POLI: variants seen among roughly 807,000 people sequenced by gnomAD.
The protein encoded by POLI is RAD30 homolog B.
A neutral mutation model predicts 51.6 loss-of-function variants in POLI; 58 were observed. The observed-to-expected ratio is 1.12, with a 90% CI of 0.91 to 1.40. The LOEUF (loss-of-function observed/expected upper bound fraction) is 1.40. Among genes scored for constraint, POLI ranks in the 40% most tolerant of loss-of-function variants. The pLI is 0.00. For synonymous variants in POLI, 322 were observed against 299.7 expected (o/e 1.07, Z -0.77); for missense variants, 921 against 871.3 (o/e 1.06, Z -0.72).
intron 9 of POLI, 50 bp downstream of exon 9, chr18:54,292,088 T>C (rs1331287211): frequency 3.6e-6 from 4 of 1,098,820 alleles, no homozygotes; most frequent in Admixed American, 2.0e-5. Context: ...CTTATGGGAT[T>C]TGTGTGGTTA....
chr18:54,292,475 A>T (rs778668280), intron 9 of POLI, among the ~76,000 whole-genome samples: 1 of 152,080 alleles, frequency 6.6e-6, no homozygotes, highest in Non-Finnish European at 1.5e-5. Flanking sequence ...TTGAATTTTG[A>T]TAGCAATATT....
intron 8 of POLI, 118 bp from the exon 9 acceptor site, chr18:54,291,715 T>C: frequency 1.8e-6 from 1 of 558,932 alleles, no homozygotes; most frequent in South Asian, 2.7e-5. Context: ...CTTAATTTGG[T>C]ATATAATGTC....
chr18:54,301,671 T>C (rs1264447359), downstream of POLI, among the ~76,000 whole-genome samples: 1 of 152,150 alleles, frequency 6.6e-6, no homozygotes, highest in African/African-American at 2.4e-5. Context: ...TTCTGAACTC[T>C]AGCTGTTCGT....
At chr18:54,269,795 C>T (rs2086918863) in intron 1 of POLI, 134 bp downstream of exon 1, 4 of 1,375,198 alleles carry the variant, frequency 2.9e-6, no homozygotes, top group Non-Finnish European at 3.7e-6. Context: ...AGAGGGCTGC[C>T]TCCCTCTGCC....
chr18:54,284,340 A>T (rs1335081429), intron 7 of POLI, among the ~76,000 whole-genome samples: 3 of 152,226 alleles, frequency 2.0e-5, no homozygotes, highest in Admixed American at 6.5e-5. Context: ...GAGAAGAAGA[A>T]GTTTTAATTT....
At chr18:54,302,582 T>C (rs191182301), downstream of POLI, among the ~76,000 whole-genome samples, 63 of 152,262 alleles carry the variant, frequency 4.1e-4, no homozygotes, top group East Asian at 1.5e-3. Context: ...GTAAATGGGG[T>C]ATCCATCCCC....
chr18:54,287,339 T>G lies in POLI; in HGVS notation c.1126T>G (p.Ser376Ala). The G allele has an allele frequency of 6.3e-7, 1 of 1,595,846 alleles. No homozygotes were observed. The highest frequency in any genetic ancestry group is 1.7e-4 in the Middle Eastern group (1 of 6,018). ...TVRLIIRRYS[S>A]EKHYGRESRQ... ...GAGATTAATAATCCGTCGGTATTCC[T>G]CTGAGAAGCACTATGGTCGTGAGAG... The change falls in exon 8 of 10, where the codon TCT (serine) becomes GCT (alanine). Residue 376 changes from serine (S) to alanine (A), a missense_variant. Coordinates refer to ENST00000579534, the MANE Select transcript of POLI (RefSeq NM_007195.3).
At chr18:54,317,005 G>C (rs2088741830) in intron 3 of POLI, among the ~76,000 whole-genome samples, 2 of 152,146 alleles carry the variant, frequency 1.3e-5, no homozygotes, top group Admixed American at 1.3e-4. Context: ...TATACTATCT[G>C]AGATGTCCTC....
intron 2 of POLI, 96 bp from the exon 3 acceptor site, chr18:54,273,830 T>A: frequency 1.6e-6 from 1 of 640,406 alleles, no homozygotes; most frequent in African/African-American, 1.9e-5. Context: ...CAAAACTGAT[T>A]GTCTTACAAT....
chr18:54,269,876 C>G (rs998109781), intron 1 of POLI: 1 of 1,294,306 alleles, frequency 7.7e-7, no homozygotes, highest in Non-Finnish European at 9.8e-7. Flanking sequence ...CGCGTCCACA[C>G]TACAAATACG....
At chr18:54,289,155 T>A (rs2087879128) in intron 8 of POLI, among the ~76,000 whole-genome samples, 2 of 151,934 alleles carry the variant, frequency 1.3e-5, no homozygotes, top group Non-Finnish European at 2.9e-5. Flanking sequence ...CTGCAGAATT[T>A]ACCTCCCCTG....
At chr18:54,307,339 G>A (rs1283833952) in intron 3 of POLI, among the ~76,000 whole-genome samples, 1 of 152,164 alleles carries the variant, frequency 6.6e-6, no homozygotes, top group Non-Finnish European at 1.5e-5. Flanking sequence ...ATTTCGCTAT[G>A]TACCTAGTAG....
rs758080830 is a variant in POLI at position 54,273,941 on chromosome 18, A to G, written c.257A>G (p.Tyr86Cys). 9 of 1,551,810 alleles carry G rather than the reference A, an allele frequency of 5.8e-6. No homozygotes were observed. Among genetic ancestry groups the G allele is most frequent in the Non-Finnish European group, 7.8e-6 (9 of 1,150,836 alleles). ...KDKPLGVQQK[Y>C]LVVTCNYEAR... Reference sequence around the variant, plus strand: ...TTTTTTACAGGGGTTCAACAGAAATATTTGGTGGTTACCTGCAACTATGAA... The same window carrying G: ...TTTTTTACAGGGGTTCAACAGAAATGTTTGGTGGTTACCTGCAACTATGAA... The change falls in exon 3 of 10, where the codon TAT (tyrosine) becomes TGT (cysteine). Residue 86 changes from tyrosine (Y) to cysteine (C), a missense_variant. By Grantham distance (194) the Tyr-to-Cys change is radical. Coordinates refer to ENST00000579534, the MANE Select transcript of POLI (RefSeq NM_007195.3).
At chr18:54,308,951 T>G (rs1223062190) in intron 3 of POLI, among the ~76,000 whole-genome samples, 2 of 152,250 alleles carry the variant, frequency 1.3e-5, no homozygotes, top group Non-Finnish European at 2.9e-5. Flanking sequence ...TAAGGTCTTC[T>G]CTACACTGTT....
At chr18:54,290,792 A>T (rs759233557) in intron 8 of POLI, among the ~76,000 whole-genome samples, 10 of 152,174 alleles carry the variant, frequency 6.6e-5, no homozygotes, top group Admixed American at 2.0e-4. Flanking sequence ...GGACACATGG[A>T]CACAGGGAGG....
At chr18:54,276,610 A>G (rs1290814518) in intron 3 of POLI, among the ~76,000 whole-genome samples, 1 of 152,224 alleles carries the variant, frequency 6.6e-6, no homozygotes, top group African/African-American at 2.4e-5. Context: ...GCCGAAATTG[A>G]TGAAGGAAAT....
chr18:54,302,429 T>G (rs1318505493), downstream of POLI, among the ~76,000 whole-genome samples: 1 of 152,144 alleles, frequency 6.6e-6, no homozygotes, highest in East Asian at 1.9e-4. Context: ...AGAAAAAAAC[T>G]CCAACCTTTT....
chr18:54,286,938 C>G (rs1039322011), intron 7 of POLI, among the ~76,000 whole-genome samples: 4 of 148,668 alleles, frequency 2.7e-5, no homozygotes, highest in Admixed American at 6.7e-5. Context: ...AGTGAGACTC[C>G]ATCTCAAAAA....
In POLI at chr18:54,310,194, G is replaced by C. The variant is rs142846577; in HGVS notation, c.334-10079G>C. On this transcript the variant is annotated intron_variant, in intron 3 of 4. Coordinates refer to the POLI transcript ENST00000579823. ...CAGTCACACTAGGAACTGCAAACCA[G>C]AGCTGTTCCTATTCAGCCATCTTGT... is the stretch of plus-strand genomic sequence containing the variant. 2.6e-4 allele frequency among the ~76,000 whole-genome samples: 40 copies of C among 152,280 alleles called. 2 individuals carry two copies. The East Asian group carries it at 6.6e-3, about 25-fold the overall frequency.
Sources: allele counts gnomAD v4.1 joint callset (sites outside exome capture counted in the v4.1 genomes callset), GRCh38; gene constraint gnomAD v4.1.1; transcripts MANE v1.5; gene names NCBI Gene and HGNC (gene_info 2026-07-23, HGNC 2026-07-21).